UGT1A8: variants seen among roughly 807,000 people sequenced by gnomAD.
UGT1A8 encodes UDP glucuronosyltransferase family 1 member A8, also known as UDP-glucuronosyltransferase 1A8.
Under a neutral mutation model 45.3 loss-of-function variants are expected in UGT1A8, and 39 were observed. The ratio of observed to expected loss-of-function variants is 0.86; its 90% CI spans 0.67 to 1.12. The LOEUF (loss-of-function observed/expected upper bound fraction) is 1.12. Ranked by LOEUF, UGT1A8 falls within the 50% of genes most tolerant of loss-of-function variation. UGT1A8 has a pLI of 0.00. For synonymous variants in UGT1A8, 275 were observed against 249.2 expected, an observed-to-expected ratio of 1.10 and a Z score of -0.97; for missense variants, 719 against 664.9, an observed-to-expected ratio of 1.08 and a Z score of -0.90.
At chr2:233,736,684 C>G (rs2078792768) in intron 1 of UGT1A8, among the ~76,000 whole-genome samples, 1 of 152,148 alleles carries the variant, frequency 6.6e-6, no homozygotes, top group Non-Finnish European at 1.5e-5. Flanking sequence ...ATGTTGGTGA[C>G]CTACAGATGG....
At chr2:233,746,978 G>A (rs1312298937) in intron 1 of UGT1A8, among the ~76,000 whole-genome samples, 2 of 151,796 alleles carry the variant, frequency 1.3e-5, no homozygotes, top group Non-Finnish European at 2.9e-5. Flanking sequence ...CCCAGAGCGA[G>A]CGCAGGGTCA....
rs193257830 is a variant in UGT1A8, at chr2:233,736,992, G to T, written c.856-30042G>T. Among the ~76,000 whole-genome samples, 107 of 152,338 alleles carry T rather than the reference G, an allele frequency of 7.0e-4. 1 individual carries two copies. Among genetic ancestry groups the T allele is most frequent in the Non-Finnish European group, 1.1e-3 (75 of 68,030 alleles). Reference sequence around the variant, plus strand: ...TGTTTCCCAGTCAAGATACACAGAGGTCAGGGACCCGCTTGAGGAGGCAGT... The same window carrying T: ...TGTTTCCCAGTCAAGATACACAGAGTTCAGGGACCCGCTTGAGGAGGCAGT... On this transcript the variant is annotated intron_variant, in intron 1 of 4. Transcript: ENST00000373450.
chr2:233,737,661 T>A (rs1326139467), intron 1 of UGT1A8, among the ~76,000 whole-genome samples: 2 of 152,214 alleles, frequency 1.3e-5, no homozygotes, highest in Non-Finnish European at 2.9e-5. Context: ...GAGCTGCAGA[T>A]CGGAGCTGTT....
chr2:233,724,889 T>A lies in UGT1A8; in HGVS notation c.856-42145T>A, dbSNP rs2077329092. On this transcript the variant is annotated intron_variant, in intron 1 of 4. Coordinates refer to ENST00000373450, the MANE Select transcript of UGT1A8 (RefSeq NM_019076.5). The stretch of plus-strand genomic sequence containing the variant: ...TTGTAGTGAGCGGAGATCACGCCAC[T>A]GCACTCCAGCCTGGGCACCATTGAG... 1.5e-5 allele frequency among the ~76,000 whole-genome samples: 2 copies of A among 135,370 alleles called. 1 individual carries two copies. Among genetic ancestry groups the A allele is most frequent in the Non-Finnish European group, 3.1e-5 (2 of 64,272 alleles). The allele number at this position is 135,370 out of a possible 152,430, so 88.8% of individuals were successfully genotyped here. A position where few individuals can be genotyped will look rare whatever the true frequency, so the allele number is the denominator to read the frequency against.
chr2:233,764,530 T>C (rs572226432), intron 1 of UGT1A8, among the ~76,000 whole-genome samples: 7 of 152,338 alleles, frequency 4.6e-5, no homozygotes, highest in African/African-American at 1.7e-4. Flanking sequence ...ATCCTGCTGA[T>C]TGCTGAGTGG....
intron 1 of UGT1A8, among the ~76,000 whole-genome samples, chr2:233,740,241 T>A (rs774118650): frequency 4.0e-5 from 6 of 151,874 alleles, no homozygotes; most frequent in Non-Finnish European, 7.3e-5. Flanking sequence ...AGGCTGAGAA[T>A]AGACTAATAC....
At chr2:233,709,022 A>C (rs1052835676) in intron 1 of UGT1A8, among the ~76,000 whole-genome samples, 4 of 152,110 alleles carry the variant, frequency 2.6e-5, no homozygotes, top group Non-Finnish European at 5.9e-5. Flanking sequence ...CCCAAGCAGC[A>C]GGGGCTTCAG....
intron 1 of UGT1A8, among the ~76,000 whole-genome samples, chr2:233,749,626 A>G (rs377692778): frequency 5.9e-5 from 9 of 151,982 alleles, no homozygotes; most frequent in South Asian, 4.2e-4. Context: ...TTGGCTCTGT[A>G]TCCCCCACCA....
intron 1 of UGT1A8, among the ~76,000 whole-genome samples, chr2:233,656,367 A>G (rs2073853183): frequency 6.6e-6 from 1 of 152,202 alleles, no homozygotes; most frequent in Non-Finnish European, 1.5e-5. Context: ...AAGTTACTGA[A>G]ATCAGCCTCT....
intron 1 of UGT1A8, chr2:233,682,626 TA>T (rs760187297): frequency 2.5e-6 from 4 of 1,613,904 alleles, no homozygotes; most frequent in South Asian, 1.1e-5. Context: ...GTCTTAGAAA[TA>T]GCCTCTGAAA....
At position 233,636,599 on chromosome 2, in the gene UGT1A8, G is replaced by A. The variant is rs762095358; in HGVS notation, c.855+18037G>A. 5.6e-6 allele frequency: 9 copies of A among 1,614,052 alleles called. No individual in the cohort carries two copies. Among genetic ancestry groups the A allele is most frequent in the Non-Finnish European group, 1.7e-6 (2 of 1,180,040 alleles). ...CTGACCTGTGGCTTTGCCGAGGCAG[G>A]GAAGCTGCTGGTAGTGCCCATGGAT... On this transcript the variant is annotated intron_variant, in intron 1 of 4. Transcript: ENST00000373450.
intron 1 of UGT1A8, chr2:233,692,956 T>G: frequency 6.2e-7 from 1 of 1,606,972 alleles, no homozygotes; most frequent in South Asian, 1.1e-5. Flanking sequence ...CCCTGTGATT[T>G]GGAGAGTGAA....
intron 1 of UGT1A8, among the ~76,000 whole-genome samples, chr2:233,654,704 A>C (rs2073816856): frequency 1.3e-5 from 2 of 152,248 alleles, no homozygotes; most frequent in African/African-American, 2.4e-5. Flanking sequence ...GTCTGCACCC[A>C]TGCTGAGGTG....
chr2:233,692,962 G>A (rs1229864362), intron 1 of UGT1A8: 7 of 1,609,176 alleles, frequency 4.4e-6, no homozygotes, highest in Non-Finnish European at 5.1e-6. Flanking sequence ...GATTTGGAGA[G>A]TGAAAACTCT....
chr2:233,765,693 A>AAAT (rs1266056248), intron 1 of UGT1A8, among the ~76,000 whole-genome samples: 1 of 147,310 alleles, frequency 6.8e-6, no homozygotes, highest in African/African-American at 2.6e-5. Context: ...AACTTCAAGT[A>AAAT]AATAATAATA....
chr2:233,745,665 C>T (rs932654407), intron 1 of UGT1A8, among the ~76,000 whole-genome samples: 2 of 150,144 alleles, frequency 1.3e-5, no homozygotes, highest in South Asian at 4.2e-4. Context: ...GTGAACAAAG[C>T]AATTTGGGAA....
intron 1 of UGT1A8, chr2:233,729,825 C>T (rs770263678): frequency 5.6e-6 from 9 of 1,613,784 alleles, no homozygotes; most frequent in African/African-American, 2.7e-5. Context: ...CTTATGCAAG[C>T]CTTGCCTCTG....
chr2:233,772,579 G>A lies in UGT1A8; in HGVS notation c.*20G>A. ...CATTGAGAAGTGGGTGGGAAATAAG[G>A]TAAAATTTTGAACCATTCCCTAGTC... On this transcript the variant is annotated 3_prime_UTR_variant, in exon 5 of 5. Transcript: ENST00000373450. The A allele has an allele frequency of 6.2e-7, 1 of 1,608,678 alleles. No homozygotes were observed. Among genetic ancestry groups the A allele is most frequent in the Non-Finnish European group, 8.5e-7 (1 of 1,177,120 alleles).
At chr2:233,654,781 C>T (rs1272894513) in intron 1 of UGT1A8, among the ~76,000 whole-genome samples, 1 of 152,118 alleles carries the variant, frequency 6.6e-6, no homozygotes, top group Non-Finnish European at 1.5e-5. Context: ...TCCAGTGGCT[C>T]TATGTGAGTA....
Sources: allele counts gnomAD v4.1 joint callset (sites outside exome capture counted in the v4.1 genomes callset), GRCh38; gene constraint gnomAD v4.1.1; transcripts MANE v1.5; gene names NCBI Gene and HGNC (gene_info 2026-07-23, HGNC 2026-07-21).